Variants in GLYR1 observed in about 807,000 individuals in gnomAD.
The protein encoded by GLYR1 is cytokine-like nuclear factor N-PAC.
GLYR1 carries 21 observed loss-of-function variants against 72.7 expected under a neutral mutation model. That is an observed-to-expected ratio of 0.29 (90% CI 0.20 to 0.42). GLYR1 has a LOEUF of 0.42. GLYR1 is among the 10% of genes least tolerant of loss of function. The probability of loss-of-function intolerance (pLI) is 1.00; values close to 1 mark genes in which losing one functional copy is unlikely to be tolerated. For synonymous variants in GLYR1, 392 were observed against 270.2 expected (o/e 1.45, Z -4.42); for missense variants, 594 against 712.1 (o/e 0.83, Z 1.89).
intron 3 of GLYR1, among the ~76,000 whole-genome samples, chr16:4,837,553 G>T (rs530719654): frequency 6.6e-6 from 1 of 152,258 alleles, no homozygotes; most frequent in East Asian, 1.9e-4. Context: ...CCGGGGTGAA[G>T]CCGTGAAGCT....
chr16:4,828,935 A>G (rs1365587188), intron 5 of GLYR1, among the ~76,000 whole-genome samples: 3 of 152,140 alleles, frequency 2.0e-5, no homozygotes, highest in African/African-American at 7.2e-5. Context: ...ATGGCTTCAC[A>G]TACCAGACAA....
chr16:4,843,453 C>A, intron 3 of GLYR1: 1 of 1,229,574 alleles, frequency 8.1e-7, no homozygotes, highest in Non-Finnish European at 1.0e-6. Flanking sequence ...CCATGCCCGG[C>A]CAAATCTTCT....
intron 5 of GLYR1, among the ~76,000 whole-genome samples, chr16:4,828,886 G>A (rs954591523): frequency 4.6e-5 from 7 of 151,988 alleles, no homozygotes; most frequent in African/African-American, 1.7e-4. Flanking sequence ...CAACGAGAAG[G>A]TATTTCTTTC....
intron 9 of GLYR1, among the ~76,000 whole-genome samples, chr16:4,818,718 C>T (rs749850228): frequency 6.6e-6 from 1 of 152,164 alleles, no homozygotes; most frequent in Non-Finnish European, 1.5e-5. Flanking sequence ...ATTCTCTACC[C>T]ACACCCTACC....
chr16:4,830,934 T>C (rs1378735989), intron 5 of GLYR1, among the ~76,000 whole-genome samples: 1 of 152,106 alleles, frequency 6.6e-6, no homozygotes, highest in Non-Finnish European at 1.5e-5. Context: ...ACTACCCTTT[T>C]ACAAATTCAC....
At chr16:4,806,896 T>A (rs2083015853) in intron 15 of GLYR1, among the ~76,000 whole-genome samples, 1 of 147,830 alleles carries the variant, frequency 6.8e-6, no homozygotes, top group Non-Finnish European at 1.5e-5. Flanking sequence ...CTGCTCTGCC[T>A]CCCGGGTTCA....
At chr16:4,834,803 T>C (rs1462824909) in intron 3 of GLYR1, among the ~76,000 whole-genome samples, 2 of 152,110 alleles carry the variant, frequency 1.3e-5, no homozygotes, top group South Asian at 2.1e-4. Flanking sequence ...AAATTCAACA[T>C]GAGAGCGCCA....
rs138548471 is a variant in GLYR1, at chr16:4,845,237, C to T, written c.76-84G>A. 4,200 of 859,472 alleles carry T rather than the reference C, an allele frequency of 4.9e-3. 10 individuals are homozygous for T. Among genetic ancestry groups the T allele is most frequent in the South Asian group, 6.6e-3 (445 of 67,408 alleles). The allele number at this position is 859,472 out of a possible 1,614,324, so 53.2% of individuals were successfully genotyped here. A position where few individuals can be genotyped will look rare whatever the true frequency, so the allele number is the denominator to read the frequency against. ...GGCTCCACATTGCTCTACAGTTCTA[C>T]GTTGCTAAGAAAAAAGTAAATTAAA... is the stretch of plus-strand genomic sequence containing the variant. On this transcript the variant is annotated intron_variant, in intron 2 of 15. Coordinates refer to ENST00000321919, the MANE Select transcript of GLYR1 (RefSeq NM_032569.4).
chr16:4,809,476 G>A (rs1173669118), intron 15 of GLYR1, among the ~76,000 whole-genome samples: 1 of 151,518 alleles, frequency 6.6e-6, no homozygotes. Context: ...GCCAGGCATG[G>A]TGGCAGGCGC....
intron 5 of GLYR1, among the ~76,000 whole-genome samples, chr16:4,824,287 G>C (rs888794513): frequency 1.3e-5 from 2 of 152,022 alleles, no homozygotes; most frequent in Non-Finnish European, 2.9e-5. Context: ...GGCCGAGGCA[G>C]GCAGATCATG....
At chr16:4,820,192 T>C (rs1321792310) in intron 9 of GLYR1, among the ~76,000 whole-genome samples, 1 of 152,228 alleles carries the variant, frequency 6.6e-6, no homozygotes, top group East Asian at 1.9e-4. Flanking sequence ...TTTCACCATG[T>C]TGGCCAGGCT....
Position 4,804,696 on chromosome 16 carries a change from CCCT to C in GLYR1, c.*537_*539del, listed in dbSNP as rs2082870788. 6.3e-6 allele frequency: 1 copy of C among 159,428 alleles called. No homozygotes were observed. The highest frequency in any genetic ancestry group is 1.4e-5 in the Non-Finnish European group (1 of 71,866). 9.9% of individuals were successfully genotyped at this position (159,428 alleles called of 1,614,324 possible). A position where few individuals can be genotyped will look rare whatever the true frequency, so the allele number is the denominator to read the frequency against. ...CCTGAGGTTGGAGGGCCCCAAGGGC[CCCT>C]CTGTCTGGAGTCTGTACTGGCTCAT... On this transcript the variant is annotated 3_prime_UTR_variant, in exon 16 of 16. Transcript: ENST00000321919.
intron 2 of GLYR1, among the ~76,000 whole-genome samples, chr16:4,845,869 T>C (rs1793226839): frequency 6.6e-6 from 1 of 152,344 alleles, no homozygotes; most frequent in Non-Finnish European, 1.5e-5. Context: ...AATTTATATT[T>C]TCTTCTCCTT....
chr16:4,842,708 T>C (rs2085653752), intron 3 of GLYR1, among the ~76,000 whole-genome samples: 1 of 151,324 alleles, frequency 6.6e-6, no homozygotes, highest in South Asian at 2.1e-4. Flanking sequence ...ATAATCTTTA[T>C]TTATTTTTTG....
At chr16:4,837,621 C>CA (rs949027561) in intron 3 of GLYR1, among the ~76,000 whole-genome samples, 5 of 151,750 alleles carry the variant, frequency 3.3e-5, no homozygotes, top group African/African-American at 1.2e-4. Flanking sequence ...GGGAGACAGA[C>CA]AGAGAAAAAG....
At chr16:4,820,193 T>C (rs185008569) in intron 9 of GLYR1, among the ~76,000 whole-genome samples, 56 of 152,334 alleles carry the variant, frequency 3.7e-4, no homozygotes, top group African/African-American at 1.3e-3. Context: ...TTCACCATGT[T>C]GGCCAGGCTG....
chr16:4,811,587 C>T, intron 14 of GLYR1, 36 bp downstream of exon 14: 1 of 1,611,042 alleles, frequency 6.2e-7, no homozygotes, highest in Non-Finnish European at 8.5e-7. Context: ...TCTAATCAAA[C>T]ACCAAATGCA....
intron 5 of GLYR1, among the ~76,000 whole-genome samples, chr16:4,828,754 A>G (rs2084594448): frequency 6.6e-6 from 1 of 152,098 alleles, no homozygotes; most frequent in South Asian, 2.1e-4. Context: ...GGAGGCACGT[A>G]CTGTTGTAAT....
chr16:4,818,698 C>G (rs559131359), intron 9 of GLYR1, among the ~76,000 whole-genome samples: 4 of 152,292 alleles, frequency 2.6e-5, no homozygotes, highest in African/African-American at 9.6e-5. Flanking sequence ...ACCTCTCTTT[C>G]CCAACTTCAA....
Sources: allele counts gnomAD v4.1 joint callset (sites outside exome capture counted in the v4.1 genomes callset), GRCh38; gene constraint gnomAD v4.1.1; transcripts MANE v1.5; gene names NCBI Gene and HGNC (gene_info 2026-07-23, HGNC 2026-07-21).